Variants in PLXNB2 observed in about 807,000 individuals in gnomAD.
The protein encoded by PLXNB2 is plexin B2, also known as plexin-B2.
In PLXNB2, 85 loss-of-function variants were observed where a neutral mutation model predicts 202.6. The ratio of observed to expected loss-of-function variants is 0.42; its 90% confidence interval spans 0.35 to 0.50. PLXNB2 has a LOEUF of 0.50. PLXNB2 is among the 20% of genes least tolerant of loss of function. The pLI is 0.02. For synonymous variants in PLXNB2, 1,239 were observed against 1,137.6 expected (o/e 1.09, Z -1.79); for missense variants, 2,063 against 2,586.2 (o/e 0.80, Z 4.39).
chr22:50,301,415 G>A lies in PLXNB2; in HGVS notation c.-74+6138C>T, dbSNP rs570004073. The A allele has an allele frequency of 5.3e-5, 23 of 429,994 alleles. No homozygotes were observed. In the South Asian group the frequency reaches 5.8e-4, roughly 11 times the overall value. The allele number at this position is 429,994 out of a possible 1,614,324, so 26.6% of individuals were successfully genotyped here. On this transcript the variant is annotated intron_variant, in intron 1 of 36. Transcript: ENST00000359337. ...GCACCGCCAGGCGCTCGGGGCACAC[G>A]AGGCCGATGGCTACAGCAGGAACCA...
At position 50,287,649 on chromosome 22, in the gene PLXNB2, C is replaced by T. The variant is rs1474270392; in HGVS notation, c.1608+18G>A. On this transcript the variant is annotated intron_variant, in intron 7 of 36. Coordinates refer to ENST00000359337, the MANE Select transcript of PLXNB2 (RefSeq NM_012401.4). ...CCGGCCTGGGGCCCAGGACCCCCAC[C>T]CCAGACCCACCACGCACCTCCCCCT... 2 of 1,535,252 alleles carry T rather than the reference C, an allele frequency of 1.3e-6. No homozygotes were observed. The highest frequency in any genetic ancestry group is 1.2e-5 in the South Asian group (1 of 83,862).
Position 50,281,187 on chromosome 22 carries a change from C to T in PLXNB2, c.3665G>A (p.Arg1222Lys). The T allele has an allele frequency of 6.2e-7, 1 of 1,611,882 alleles. No individual in the cohort carries two copies. Among genetic ancestry groups the T allele is most frequent in the East Asian group, 2.2e-5 (1 of 44,850 alleles). Residue 1222 changes from arginine to lysine, a missense_variant and splice_region_variant, in exon 23 of 37, where the codon AGG becomes AAG. Physicochemically the swap from Arg to Lys is conservative, Grantham distance 26. This residue lies in a region of PLXNB2 where 760 missense variants were observed against 1,109.4 expected (regional missense o/e 0.69). Transcript: ENST00000359337. The part of the protein sequence containing the change: ...VIAVSVYCYW[R>K]KSQQAEREYE... ...CTCTCGTTCGGCCTGCTGGCTCTTC[C>T]TCCTGCAAGGCACAGCGGGCCTCCT...
chr22:50,281,837 G>T lies in PLXNB2; in HGVS notation c.3345+17C>A. The T allele has an allele frequency of 6.2e-7, 1 of 1,606,606 alleles. No homozygotes were observed. Among genetic ancestry groups the T allele is most frequent in the Non-Finnish European group, 8.5e-7 (1 of 1,176,244 alleles). On this transcript the variant is annotated intron_variant, in intron 20 of 36. Coordinates refer to ENST00000359337, the MANE Select transcript of PLXNB2 (RefSeq NM_012401.4). Reference sequence around the variant, plus strand: ...ACCCGAGCAGGACCCAGACACCCGGGGCTGCACCGTCCTCACCCGGGCGTG... The same window carrying T: ...ACCCGAGCAGGACCCAGACACCCGGTGCTGCACCGTCCTCACCCGGGCGTG...
intron 1 of PLXNB2, among the ~76,000 whole-genome samples, chr22:50,305,345 C>G (rs986658649): frequency 1.3e-5 from 2 of 152,228 alleles, no homozygotes; most frequent in Non-Finnish European, 2.9e-5. Flanking sequence ...GGGCCAGCTG[C>G]CGGCTCCTCC....
Position 50,290,480 on chromosome 22 carries a change from G to A in PLXNB2, c.105C>T (p.Asn35=). Residue 35 remains asparagine, a synonymous_variant, in exon 3 of 37, where the codon AAC becomes AAT. Coordinates refer to ENST00000359337, the MANE Select transcript of PLXNB2 (RefSeq NM_012401.4). ...CTGAGGCCTCATCCACAGCCAGGTG[G>A]TTCAGCTCTTTCTCGCTGCGGAAGA... The part of the protein sequence containing the change: ...LDFFRSEKEL[N]HLAVDEASGV... 1.2e-6 allele frequency: 2 copies of A among 1,612,900 alleles called. No individual in the cohort carries two copies. Among genetic ancestry groups the A allele is most frequent in the Non-Finnish European group, 1.7e-6 (2 of 1,179,994 alleles).
At chr22:50,292,254 C>T (rs1019121777) in intron 2 of PLXNB2, among the ~76,000 whole-genome samples, 2 of 146,644 alleles carry the variant, frequency 1.4e-5, no homozygotes, top group South Asian at 2.2e-4. Context: ...AGGAGAATCG[C>T]GTGAACCTGG....
At position 50,282,891 on chromosome 22, in the gene PLXNB2, G is replaced by A. The variant is rs1321750230; in HGVS notation, c.2817-10C>T. 2 of 1,604,748 alleles carry A rather than the reference G, an allele frequency of 1.2e-6. No homozygotes were observed. Among genetic ancestry groups the A allele is most frequent in the African/African-American group, 1.3e-5 (1 of 74,744 alleles). The stretch of plus-strand genomic sequence containing the variant: ...CGCCCCAAACTTCGTCCTGGGGGAG[G>A]GAGGGTGCTGGTCTGCATCAACCCC... On this transcript the variant is annotated splice_polypyrimidine_tract_variant and intron_variant, in intron 17 of 36. Transcript: ENST00000359337.
intron 36 of PLXNB2, 33 bp from the exon 37 acceptor site, chr22:50,275,841 G>A (rs1310494667): frequency 3.1e-6 from 5 of 1,607,834 alleles, no homozygotes; most frequent in Non-Finnish European, 4.3e-6. Context: ...CACACCGGGG[G>A]ACCGCCCAGC....
rs761337317 is a variant in PLXNB2, at chr22:50,278,901, A to G, written c.4500T>C (p.Arg1500=). ...TGGGCCAGCAGGAGCAGGGCTGCCCACGGTACACCTGGTCAATGATCTTCT... is the reference window on the plus strand; with the variant it reads ...TGGGCCAGCAGGAGCAGGGCTGCCCGCGGTACACCTGGTCAATGATCTTCT... ...VKEKIIDQVY[R]GQPCSCWPRP... The change falls in exon 28 of 37, where the codon CGT becomes CGC. Residue 1500 remains arginine (R), a synonymous_variant. Coordinates refer to ENST00000359337, the MANE Select transcript of PLXNB2 (RefSeq NM_012401.4). 3 of 1,613,546 alleles carry G rather than the reference A, an allele frequency of 1.9e-6. No individual in the cohort carries two copies. The highest frequency in any genetic ancestry group is 1.3e-5 in the African/African-American group (1 of 75,046).
chr22:50,281,244 C>A, intron 22 of PLXNB2, 55 bp from the exon 23 acceptor site: 1 of 1,565,742 alleles, frequency 6.4e-7, no homozygotes. Context: ...CTCAGCTGCC[C>A]GGATGAGGAG....
At chr22:50,302,242 G>A (rs2067730594) in intron 1 of PLXNB2, among the ~76,000 whole-genome samples, 1 of 152,200 alleles carries the variant, frequency 6.6e-6, no homozygotes, top group South Asian at 2.1e-4. Flanking sequence ...GCAGCCCAGG[G>A]TGTGGGCTGG....
chr22:50,279,088 C>G (rs560984092), intron 27 of PLXNB2, 77 bp from the exon 28 acceptor site: 67 of 1,450,574 alleles, frequency 4.6e-5, no homozygotes, highest in Non-Finnish European at 6.1e-5. Context: ...CTCCCTGCCC[C>G]GCCAGCTTTG....
chr22:50,288,002 G>A lies in PLXNB2; in HGVS notation c.1416C>T (p.Tyr472=), dbSNP rs776442609. The A allele has an allele frequency of 1.3e-5, 20 of 1,571,092 alleles. No individual in the cohort carries two copies. The highest frequency in any genetic ancestry group is 3.7e-5 in the Admixed American group (2 of 54,520). The change falls in exon 6 of 37, where the codon TAC becomes TAT. Residue 472 remains tyrosine (Y), a synonymous_variant. Transcript: ENST00000359337. This position sits in a 1 kb window ranked among gnomAD's most constrained non-coding sequence, Gnocchi z 5.0. ...AGTCGCGGCACTGGGTGCAGGTCGG[G>A]TAGCTCAGGCACTCCTGCACCGGCA... ...FRLPVQECLS[Y]PTCTQCRDSQ...
In PLXNB2 at chr22:50,278,917, A is replaced by C. The variant is rs764907177; in HGVS notation, c.4484T>G (p.Ile1495Ser). ...DTISQVKEKI[I>S]DQVYRGQPCS... The stretch of plus-strand genomic sequence containing the variant: ...GGGCTGCCCACGGTACACCTGGTCA[A>C]TGATCTTCTCCTTGACCTGGGAGAT... The change falls in exon 28 of 37, where the codon ATT becomes AGT. Residue 1495 changes from isoleucine to serine, a missense_variant. By Grantham distance (142) the Ile-to-Ser change is moderately radical. Around this residue, in one of 2 missense-constraint regions of PLXNB2, gnomAD observed 760 missense variants for 1,109.4 expected, o/e 0.69. Transcript: ENST00000359337. 6.2e-7 allele frequency: 1 copy of C among 1,613,764 alleles called. No homozygotes were observed.
chr22:50,278,036 G>A (rs1222333647), intron 31 of PLXNB2, 23 bp from the exon 32 acceptor site: 23 of 1,607,014 alleles, frequency 1.4e-5, no homozygotes, highest in Non-Finnish European at 2.0e-5. Context: ...GGGTCTCAGC[G>A]TGACGCCGTG....
rs1206548459 is a variant in PLXNB2 at position 50,286,197 on chromosome 22, G to A, written c.1853C>T (p.Ala618Val). 2 of 1,613,058 alleles carry A rather than the reference G, an allele frequency of 1.2e-6. No homozygotes were observed. The highest frequency in any genetic ancestry group is 8.5e-7 in the Non-Finnish European group (1 of 1,179,776). ...YQYPFYDCRQ[A>V]MSLEENLPCI... ...CGGCAGGTTCTCCTCCAGGCTCATG[G>A]CCTGGCGGCAGTCGTAGAAGGGGTA... Residue 618 changes from alanine (A) to valine (V), a missense_variant, in exon 9 of 37, where the codon GCC becomes GTC. Transcript: ENST00000359337.
intron 2 of PLXNB2, among the ~76,000 whole-genome samples, chr22:50,290,883 G>C (rs991710326): frequency 6.6e-6 from 1 of 152,174 alleles, no homozygotes; most frequent in African/African-American, 2.4e-5. Context: ...TGAAAACACC[G>C]GCAGGCCTAT....
chr22:50,283,381 C>T lies in PLXNB2; in HGVS notation c.2635G>A (p.Gly879Arg), dbSNP rs779699565. 1.1e-5 allele frequency: 18 copies of T among 1,613,122 alleles called. No individual in the cohort carries two copies. Among genetic ancestry groups the T allele is most frequent in the East Asian group, 4.5e-5 (2 of 44,888 alleles). The stretch of plus-strand genomic sequence containing the variant: ...TTGGGAGGCGAACGGCCCAGTTTCC[C>T]GAAGACGTCCACCTCGACACCCCCC... Reference protein sequence around the residue: ...FTGGVEVDVFGKLGRSPPNVQ... With the variant: ...FTGGVEVDVFRKLGRSPPNVQ... Residue 879 changes from glycine (G) to arginine (R), a missense_variant, in exon 16 of 37, where the codon GGG becomes AGG. By Grantham distance (125) the Gly-to-Arg change is moderately radical. Coordinates refer to ENST00000359337, the MANE Select transcript of PLXNB2 (RefSeq NM_012401.4).
intron 20 of PLXNB2, 51 bp from the exon 21 acceptor site, chr22:50,281,793 G>A (rs780700239): frequency 6.4e-7 from 1 of 1,572,884 alleles, no homozygotes; most frequent in East Asian, 2.2e-5. Context: ...AGGGACAGGT[G>A]GACCAGCTCT....
Sources: allele counts gnomAD v4.1 joint callset (sites outside exome capture counted in the v4.1 genomes callset), GRCh38; gene constraint gnomAD v4.1.1; regional missense constraint gnomAD v4.1.1; non-coding constraint Gnocchi (gnomAD v3.1); transcripts MANE v1.5; gene names NCBI Gene and HGNC (gene_info 2026-07-23, HGNC 2026-07-21).